POMK: variants seen among roughly 807,000 people sequenced by gnomAD.
The protein encoded by POMK is protein O-mannose kinase, also known as Sugen kinase 196.
In POMK, 19 loss-of-function variants were observed where a neutral mutation model predicts 23.0. The ratio of observed to expected loss-of-function variants is 0.83; its 90% CI spans 0.58 to 1.21. The LOEUF (loss-of-function observed/expected upper bound fraction) is 1.21. Among genes scored for constraint, POMK ranks in the 50% most tolerant of loss-of-function variants. The pLI is 0.00. For missense variants in POMK, 410 were observed against 431.3 expected (o/e 0.95, Z 0.44); for synonymous variants, 173 against 171.6 (o/e 1.01, Z -0.06).
intron 2 of POMK, among the ~76,000 whole-genome samples, chr8:43,101,285 A>G (rs1811435155): frequency 6.6e-6 from 1 of 151,842 alleles, no homozygotes; most frequent in Non-Finnish European, 1.5e-5. Context: ...AATTAGCTGG[A>G]TGTGGTGATG....
chr8:43,119,144 C>T (rs967499005), intron 4 of POMK, among the ~76,000 whole-genome samples: 1 of 152,006 alleles, frequency 6.6e-6, no homozygotes, highest in Non-Finnish European at 1.5e-5. Flanking sequence ...GCAGCAGCTT[C>T]CCAAAAGCCA....
At chr8:43,113,907 G>A (rs946123125) in intron 4 of POMK, among the ~76,000 whole-genome samples, 6 of 152,242 alleles carry the variant, frequency 3.9e-5, no homozygotes, top group Admixed American at 6.5e-5. Context: ...TACCAGCAGC[G>A]GTGGCTGCAG....
intron 4 of POMK, among the ~76,000 whole-genome samples, chr8:43,111,768 T>C (rs1205000577): frequency 6.6e-6 from 1 of 152,212 alleles, no homozygotes; most frequent in Non-Finnish European, 1.5e-5. Context: ...TTCACCAATA[T>C]CTGCTGTTCT....
intron 2 of POMK, among the ~76,000 whole-genome samples, chr8:43,100,169 A>T (rs778711422): frequency 6.6e-6 from 1 of 152,004 alleles, no homozygotes; most frequent in Non-Finnish European, 1.5e-5. Context: ...GGAACAGAGG[A>T]TATGGGAATG....
At chr8:43,105,227 A>G (rs1274902734) in intron 4 of POMK, among the ~76,000 whole-genome samples, 3 of 152,164 alleles carry the variant, frequency 2.0e-5, no homozygotes, top group Non-Finnish European at 2.9e-5. Flanking sequence ...GAGAGTGTAT[A>G]ATATATTGTT....
Position 43,104,426 on chromosome 8 carries a change from CA to C in POMK, c.282+599del, listed in dbSNP as rs200962206. On this transcript the variant is annotated intron_variant, in intron 4 of 4. Coordinates refer to ENST00000331373, the MANE Select transcript of POMK (RefSeq NM_032237.5). ...AAGTAATCCAAGGCAGGAAAAAAGT[CA>C]AATGCATAAAAGAGTGCCATAGTGA... 3.2e-3 allele frequency among the ~76,000 whole-genome samples: 491 copies of C among 152,234 alleles called. 2 individuals carry two copies. The highest frequency in any genetic ancestry group is 0.011 in the African/African-American group (460 of 41,534).
Position 43,106,089 on chromosome 8 carries a change from G to C in POMK, c.282+2259G>C, listed in dbSNP as rs151199652. Among the ~76,000 whole-genome samples, 384 of 152,334 alleles carry C rather than the reference G, an allele frequency of 2.5e-3. 2 individuals are homozygous for C. Among genetic ancestry groups the C allele is most frequent in the South Asian group, 0.011 (53 of 4,830 alleles). On this transcript the variant is annotated intron_variant, in intron 4 of 4. Transcript: ENST00000331373. ...CTCCATACTGTTTTCCATAATGGCT[G>C]TACTAATTTACATTCTCACTAACAG...
chr8:43,099,105 C>G (rs1013459138), intron 2 of POMK, among the ~76,000 whole-genome samples: 1 of 152,114 alleles, frequency 6.6e-6, no homozygotes, highest in Non-Finnish European at 1.5e-5. Context: ...GGCCAACATG[C>G]CTGGCTAATT....
At chr8:43,114,703 C>G (rs781629664) in intron 4 of POMK, among the ~76,000 whole-genome samples, 1 of 152,256 alleles carries the variant, frequency 6.6e-6, no homozygotes, top group Non-Finnish European at 1.5e-5. Context: ...TCTTCTGCGT[C>G]GCTCACGCTG....
intron 4 of POMK, among the ~76,000 whole-genome samples, chr8:43,117,072 T>C (rs1811816369): frequency 6.6e-6 from 1 of 152,240 alleles, no homozygotes; most frequent in Non-Finnish European, 1.5e-5. Flanking sequence ...CACAAGGTAA[T>C]GTCATCGCTT....
At chr8:43,095,084 C>G (rs1411042918) in intron 1 of POMK, among the ~76,000 whole-genome samples, 1 of 152,154 alleles carries the variant, frequency 6.6e-6, no homozygotes, top group Non-Finnish European at 1.5e-5. Flanking sequence ...AACCGGCAGT[C>G]CCAGGGTACC....
chr8:43,097,327 T>G (rs1811354049), intron 1 of POMK, among the ~76,000 whole-genome samples, 197 bp from the exon 2 acceptor site: 1 of 152,298 alleles, frequency 6.6e-6, no homozygotes, highest in African/African-American at 2.4e-5. Flanking sequence ...GAATCTCTGA[T>G]GTCCACCAAC....
chr8:43,116,904 G>T (rs1478331618), intron 4 of POMK, among the ~76,000 whole-genome samples: 1 of 152,160 alleles, frequency 6.6e-6, no homozygotes, highest in Non-Finnish European at 1.5e-5. Flanking sequence ...AAGAGAGTCA[G>T]CCAAGGGAGA....
intron 4 of POMK, among the ~76,000 whole-genome samples, chr8:43,120,683 T>C (rs998988486): frequency 1.3e-3 from 191 of 151,476 alleles, no homozygotes; most frequent in African/African-American, 4.3e-3. Flanking sequence ...TTCTTTCTTT[T>C]TTTTTTTTTT....
At chr8:43,119,920 T>C (rs1190252810) in intron 4 of POMK, among the ~76,000 whole-genome samples, 1 of 151,552 alleles carries the variant, frequency 6.6e-6, no homozygotes, top group Admixed American at 6.6e-5. Flanking sequence ...CTCCATTTTA[T>C]ATAATATTTC....
chr8:43,096,960 T>C (rs1014801505), intron 1 of POMK, among the ~76,000 whole-genome samples: 4 of 152,166 alleles, frequency 2.6e-5, no homozygotes, highest in African/African-American at 4.8e-5. Context: ...AAAATAAGCA[T>C]GTATGAGAAG....
intron 4 of POMK, among the ~76,000 whole-genome samples, chr8:43,114,546 T>A (rs1811753596): frequency 6.6e-6 from 1 of 152,244 alleles, no homozygotes. Context: ...GGGAATGCCC[T>A]GACCCCTTGC....
intron 4 of POMK, among the ~76,000 whole-genome samples, chr8:43,111,286 G>C (rs537324911): frequency 2.6e-5 from 4 of 152,348 alleles, no homozygotes; most frequent in Admixed American, 2.0e-4. Context: ...CCTGCACCTG[G>C]CTCGGAGGGT....
intron 4 of POMK, among the ~76,000 whole-genome samples, chr8:43,121,324 C>T (rs1422236456): frequency 2.0e-5 from 3 of 152,194 alleles, no homozygotes; most frequent in Non-Finnish European, 4.4e-5. Context: ...ATCAGAGGTT[C>T]TTCCTTTAAT....
Sources: gnomAD v4.1 joint callset for allele counts (sites outside exome capture counted in the v4.1 genomes callset) on GRCh38, gnomAD v4.1.1 for gene constraint, MANE v1.5 for transcripts, NCBI Gene and HGNC (gene_info 2026-07-23, HGNC 2026-07-21) for gene names.